STRN: variants seen among roughly 807,000 people sequenced by gnomAD.
STRN encodes the protein protein phosphatase 2 regulatory subunit B'''alpha.
In STRN, 53 loss-of-function variants were observed where a neutral mutation model predicts 96.3. That is an observed-to-expected ratio of 0.55 (90% CI 0.44 to 0.69). The LOEUF (loss-of-function observed/expected upper bound fraction) is 0.69, where lower values mean the gene tolerates loss of function less well. Among genes scored for constraint, STRN ranks in the 30% least tolerant of loss-of-function variants. The pLI is 0.00. For synonymous variants in STRN, 428 were observed against 355.9 expected (o/e 1.20, Z -2.28); for missense variants, 987 against 963.9 (o/e 1.02, Z -0.32).
intron 1 of STRN, among the ~76,000 whole-genome samples, chr2:36,954,516 A>G (rs1378503473): frequency 2.0e-5 from 3 of 147,292 alleles, no homozygotes; most frequent in Non-Finnish European, 3.0e-5. Flanking sequence ...TGTCTCAAAC[A>G]GGGGAAAAAA....
intron 7 of STRN, among the ~76,000 whole-genome samples, chr2:36,893,252 A>G (rs1669447758): frequency 6.6e-6 from 1 of 152,190 alleles, no homozygotes; most frequent in African/African-American, 2.4e-5. Context: ...TATGTTACAG[A>G]CAATTAAAAA....
chr2:36,845,041 C>G lies in STRN; in HGVS notation c.*4415G>C, dbSNP rs1443965502. 6.6e-6 allele frequency: 1 copy of G among 152,072 alleles called. No individual in the cohort carries two copies. The highest frequency in any genetic ancestry group is 2.4e-5 in the African/African-American group (1 of 41,428). 9.4% of individuals were successfully genotyped at this position (152,072 alleles called of 1,614,324 possible). On this transcript the variant is annotated 3_prime_UTR_variant, in exon 18 of 18. Coordinates refer to ENST00000263918, the MANE Select transcript of STRN (RefSeq NM_003162.4). ...GTTAACAGTAATGGAGAGGCAACTT[C>G]TGAGTAAATAAAATGAATGATTATG...
chr2:36,925,193 G>C lies in STRN; in HGVS notation c.250C>G (p.Leu84Val), dbSNP rs1440278824. The change falls in exon 2 of 18, where the codon CTG becomes GTG. Residue 84 changes from leucine to valine, a missense_variant. Transcript: ENST00000263918. ...TCTTGGCCCTTCCTTTCTCCCTGCA[G>C]GAAGGCAATCTGGGCCTGAGTAGGG... Reference protein sequence around the residue: ...RAELQAQIAFLQGERKGQENL... With the variant: ...RAELQAQIAFVQGERKGQENL... 6.2e-7 allele frequency: 1 copy of C among 1,613,696 alleles called. No individual in the cohort carries two copies. Among genetic ancestry groups the C allele is most frequent in the Non-Finnish European group, 8.5e-7 (1 of 1,179,836 alleles).
At position 36,849,401 on chromosome 2, in the gene STRN, CTT is replaced by C. The variant is rs1460970861; in HGVS notation, c.*53_*54del. On this transcript the variant is annotated 3_prime_UTR_variant, in exon 18 of 18. Transcript: ENST00000263918. ...ATTCTTGCCCTCGTCTTCTGTATCT[CTT>C]GTGTGCAGTTGATTACTTATAAACA... 5 of 1,589,904 alleles carry C rather than the reference CTT, an allele frequency of 3.1e-6. No homozygotes were observed. The highest frequency in any genetic ancestry group is 1.3e-5 in the African/African-American group (1 of 74,128).
At position 36,957,905 on chromosome 2, in the gene STRN, G is replaced by C. The variant is rs909407856; in HGVS notation, c.234+8325C>G. Reference sequence around the variant, plus strand: ...AGCTGGGATTACAGGCGCCCATCACGACGCCCAGCTAATTTTTTTTTTTTT... The same window carrying C: ...AGCTGGGATTACAGGCGCCCATCACCACGCCCAGCTAATTTTTTTTTTTTT... On this transcript the variant is annotated intron_variant, in intron 1 of 17. Transcript: ENST00000263918. Among the ~76,000 whole-genome samples the C allele has an allele frequency of 4.2e-5, 6 of 142,306 alleles. No individual in the cohort carries two copies. The East Asian group carries it at 8.2e-4, about 20-fold the overall frequency. 93.4% of individuals were successfully genotyped at this position (142,306 alleles called of 152,430 possible).
intron 9 of STRN, among the ~76,000 whole-genome samples, chr2:36,879,473 T>C (rs1669010902): frequency 6.6e-6 from 1 of 152,262 alleles, no homozygotes; most frequent in Non-Finnish European, 1.5e-5. Flanking sequence ...TCCTATTTTG[T>C]AACATTTTGA....
At chr2:36,911,926 C>T (rs1191452986) in intron 3 of STRN, among the ~76,000 whole-genome samples, 1 of 152,198 alleles carries the variant, frequency 6.6e-6, no homozygotes, top group East Asian at 1.9e-4. Context: ...TTACCATTAG[C>T]ATTTTAAACC....
chr2:36,879,166 G>A (rs1057163026), intron 9 of STRN, among the ~76,000 whole-genome samples: 4 of 151,802 alleles, frequency 2.6e-5, no homozygotes, highest in Non-Finnish European at 5.9e-5. Context: ...TGCCTCCTGG[G>A]TTCAAGCAAT....
chr2:36,950,932 T>C (rs1285048295), intron 1 of STRN, among the ~76,000 whole-genome samples: 2 of 152,172 alleles, frequency 1.3e-5, no homozygotes, highest in South Asian at 2.1e-4. Flanking sequence ...ATTTATATTA[T>C]TTATTTTAAA....
rs577361295 is a variant in STRN, at chr2:36,964,433, C to T, written c.234+1797G>A. Among the ~76,000 whole-genome samples, 149 of 152,180 alleles carry T rather than the reference C, an allele frequency of 9.8e-4. 1 individual carries two copies. The highest frequency in any genetic ancestry group is 3.5e-3 in the African/African-American group (146 of 41,512). ...TTTCCTTGAATCCTGAAATCCACAC[C>T]TTTTATAGAATGCGCTGCTAATAAA... On this transcript the variant is annotated intron_variant, in intron 1 of 17. Coordinates refer to ENST00000263918, the MANE Select transcript of STRN (RefSeq NM_003162.4).
intron 9 of STRN, among the ~76,000 whole-genome samples, chr2:36,879,362 G>C (rs541380140): frequency 3.3e-5 from 5 of 152,190 alleles, no homozygotes; most frequent in Non-Finnish European, 7.3e-5. Flanking sequence ...GAGCCACCAC[G>C]CCCAGCGAGA....
At chr2:36,881,462 A>T (rs1442174091) in intron 9 of STRN, among the ~76,000 whole-genome samples, 1 of 152,214 alleles carries the variant, frequency 6.6e-6, no homozygotes, top group Non-Finnish European at 1.5e-5. Flanking sequence ...AATAAAAATA[A>T]AGTAACAAAA....
intron 10 of STRN, among the ~76,000 whole-genome samples, chr2:36,873,115 C>G (rs148008888): frequency 6.6e-6 from 1 of 152,144 alleles, no homozygotes; most frequent in East Asian, 1.9e-4. Context: ...TGGCATCCTA[C>G]ACATAAGGGT....
chr2:36,952,110 A>C (rs1664768958), intron 1 of STRN, among the ~76,000 whole-genome samples: 1 of 152,252 alleles, frequency 6.6e-6, no homozygotes, highest in Non-Finnish European at 1.5e-5. Context: ...AACTCGAATT[A>C]GCATTCTAAG....
chr2:36,942,784 C>A (rs1205306699), intron 1 of STRN, among the ~76,000 whole-genome samples: 1 of 152,054 alleles, frequency 6.6e-6, no homozygotes, highest in Non-Finnish European at 1.5e-5. Flanking sequence ...CAACCTCCTT[C>A]TCCTGGATTC....
intron 10 of STRN, among the ~76,000 whole-genome samples, chr2:36,874,485 G>A (rs1287706069): frequency 1.3e-5 from 2 of 151,924 alleles, no homozygotes; most frequent in African/African-American, 2.4e-5. Context: ...AGTGGTACTC[G>A]AAGAGAAATG....
At chr2:36,856,817 C>CT in intron 14 of STRN, among the ~76,000 whole-genome samples, 1 of 152,230 alleles carries the variant, frequency 6.6e-6, no homozygotes. Flanking sequence ...CCCTTTGGTG[C>CT]TATTCTCGTG....
chr2:36,912,383 C>T (rs751870018), intron 3 of STRN, among the ~76,000 whole-genome samples: 1 of 152,160 alleles, frequency 6.6e-6, no homozygotes, highest in Non-Finnish European at 1.5e-5. Context: ...CTGCCCTCAC[C>T]TCTCTCCTTA....
intron 1 of STRN, among the ~76,000 whole-genome samples, chr2:36,927,069 T>C (rs372478609): frequency 2.0e-5 from 3 of 152,292 alleles, no homozygotes; most frequent in East Asian, 1.9e-4. Context: ...CAATTATCTA[T>C]TTTGTCCCCT....
Sources: gnomAD v4.1 joint callset for allele counts (sites outside exome capture counted in the v4.1 genomes callset) on GRCh38, gnomAD v4.1.1 for gene constraint, MANE v1.5 for transcripts, NCBI Gene and HGNC (gene_info 2026-07-23, HGNC 2026-07-21) for gene names.